The following STRAP variants were observed in gnomAD, a reference collection of about 807,000 sequenced individuals.
STRAP encodes serine/threonine kinase receptor associated protein.
A neutral mutation model predicts 47.0 loss-of-function variants in STRAP; 16 were observed. The observed-to-expected ratio is 0.34, with a 90% CI of 0.23 to 0.52. The LOEUF (loss-of-function observed/expected upper bound fraction) is 0.52. Among genes scored for constraint, STRAP ranks in the 20% least tolerant of loss-of-function variants. The pLI is 0.96. For missense variants in STRAP, 293 were observed against 420.0 expected (o/e 0.70, Z 2.64); for synonymous variants, 130 against 142.7 (o/e 0.91, Z 0.63).
rs1236426226 is a variant in STRAP, at chr12:15,884,085, AAAAC to A, written c.248+421_248+424del. Among the ~76,000 whole-genome samples, 6 of 152,314 alleles carry A rather than the reference AAAAC, an allele frequency of 3.9e-5. No homozygotes were observed. The East Asian group carries it at 9.6e-4, about 24-fold the overall frequency. ...GGCATCATTAAAACTCATTGTGTCA[AAAAC>A]AAACAAACAAAAAAACAACAAAAAA... On this transcript the variant is annotated intron_variant, in intron 2 of 9. Transcript: ENST00000419869.
chr12:15,893,387 TAATTATTTTATTAATAATATAATA>T (rs1177192850), intron 4 of STRAP, among the ~76,000 whole-genome samples: 4 of 148,784 alleles, frequency 2.7e-5, no homozygotes, highest in Admixed American at 2.7e-4. Flanking sequence ...TATGCCACGT[TAATTATTTTATTAATAATATAATA>T]AATACTTTTT....
At chr12:15,897,741 CT>C (rs1565576808) in intron 6 of STRAP, 140 bp from the exon 7 acceptor site, 7 of 385,320 alleles carry the variant, frequency 1.8e-5, no homozygotes, top group East Asian at 4.7e-5. Flanking sequence ...TTGCTAACAG[CT>C]TTTTTTACAT....
At chr12:15,899,411 T>C (rs895035486) in intron 7 of STRAP, among the ~76,000 whole-genome samples, 1 of 152,256 alleles carries the variant, frequency 6.6e-6, no homozygotes, top group African/African-American at 2.4e-5. Context: ...TGTTGATCTA[T>C]ATCTCACCTT....
chr12:15,890,493 G>T lies in STRAP; in HGVS notation c.331-104G>T. The T allele has an allele frequency of 1.1e-6, 1 of 941,560 alleles. No homozygotes were observed. Among genetic ancestry groups the T allele is most frequent in the Non-Finnish European group, 1.7e-6 (1 of 596,966 alleles). 58.3% of individuals were successfully genotyped at this position (941,560 alleles called of 1,614,324 possible). On this transcript the variant is annotated intron_variant, in intron 3 of 9. Coordinates refer to ENST00000419869, the MANE Select transcript of STRAP (RefSeq NM_007178.4). This position sits in a 1 kb window ranked among gnomAD's most constrained non-coding sequence, Gnocchi z 4.5. ...ATTGGTTATGTCTTGGCATCTCTTT[G>T]TGATGTCTGTGAGCTAGATTTTGAT...
At chr12:15,902,584 A>G (rs1381301820) in intron 9 of STRAP, among the ~76,000 whole-genome samples, 2 of 152,214 alleles carry the variant, frequency 1.3e-5, no homozygotes, top group Non-Finnish European at 2.9e-5. Flanking sequence ...ACTAAAAGAG[A>G]GGGCCAGATC....
At chr12:15,888,992 T>C (rs1947993727) in intron 2 of STRAP, among the ~76,000 whole-genome samples, 1 of 152,178 alleles carries the variant, frequency 6.6e-6, no homozygotes, top group Admixed American at 6.5e-5. Context: ...TGAAAATAAA[T>C]AGCAGTTGCA....
Position 15,882,641 on chromosome 12 carries a change from A to C in STRAP, c.-67A>C, listed in dbSNP as rs1350743588. 1 of 1,374,046 alleles carries C rather than the reference A, an allele frequency of 7.3e-7. No homozygotes were observed. Among genetic ancestry groups the C allele is most frequent in the East Asian group, 2.4e-5 (1 of 41,346 alleles). 85.1% of individuals were successfully genotyped at this position (1,374,046 alleles called of 1,614,324 possible). A position where few individuals can be genotyped will look rare whatever the true frequency, so the allele number is the denominator to read the frequency against. On this transcript the variant is annotated 5_prime_UTR_variant, in exon 1 of 10. Coordinates refer to ENST00000419869, the MANE Select transcript of STRAP (RefSeq NM_007178.4). ...GGCCTGGAGCAGCCCGAGGCACTGC[A>C]GCAGAAGAGAGAAAAGACAACGACG...
At position 15,895,438 on chromosome 12, in the gene STRAP, G is replaced by C; in HGVS notation, c.580G>C (p.Glu194Gln). Residue 194 changes from glutamate (E) to glutamine (Q), a missense_variant, in exon 6 of 10, where the codon GAG becomes CAG. By Grantham distance (29) the Glu-to-Gln change is conservative. Coordinates refer to ENST00000419869, the MANE Select transcript of STRAP (RefSeq NM_007178.4). ...MSVSSMEYIP[E>Q]GEILVITYGR... is the part of the protein sequence containing the mutation. ...TGTTAGTAGTATGGAATATATTCCT[G>C]AGGGAGAGATTTTGGTTATAACTTA... The C allele has an allele frequency of 1.9e-6, 3 of 1,607,674 alleles. No individual in the cohort carries two copies. Among genetic ancestry groups the C allele is most frequent in the Non-Finnish European group, 2.5e-6 (3 of 1,178,280 alleles).
chr12:15,888,555 C>T (rs1014577424), intron 2 of STRAP, among the ~76,000 whole-genome samples: 2 of 152,148 alleles, frequency 1.3e-5, no homozygotes, highest in African/African-American at 4.8e-5. Flanking sequence ...CATGAGCATT[C>T]CTGTTAGATG....
rs751505762 is a variant in STRAP at position 15,894,413 on chromosome 12, C to T, written c.500+270C>T. Among the ~76,000 whole-genome samples, 1 of 152,200 alleles carries T rather than the reference C, an allele frequency of 6.6e-6. No homozygotes were observed. Among genetic ancestry groups the T allele is most frequent in the East Asian group, 1.9e-4 (1 of 5,188 alleles). Reference sequence around the variant, plus strand: ...GGCAGAGGTTGCGGTGAGTCGAGATCGTGCCATTGCACTCTAGCCTGGGCG... The same window carrying T: ...GGCAGAGGTTGCGGTGAGTCGAGATTGTGCCATTGCACTCTAGCCTGGGCG... On this transcript the variant is annotated intron_variant, in intron 5 of 9. Coordinates refer to ENST00000419869, the MANE Select transcript of STRAP (RefSeq NM_007178.4). This position sits in a 1 kb window ranked among gnomAD's most constrained non-coding sequence, Gnocchi z 4.9.
At position 15,899,968 on chromosome 12, in the gene STRAP, T is replaced by C. The variant is rs1178249959; in HGVS notation, c.840T>C (p.Tyr280=). The change falls in exon 8 of 10, where the codon TAT becomes TAC. Residue 280 remains tyrosine (Y), a synonymous_variant. Transcript: ENST00000419869. The part of the protein sequence containing the change: ...CVRFSPDGEL[Y]ASGSEDGTLR... ...GATTTAGTCCTGATGGAGAACTCTATGCCAGTGGTTCAGAAGATGGAACAT... is the reference window on the plus strand; with the variant it reads ...GATTTAGTCCTGATGGAGAACTCTACGCCAGTGGTTCAGAAGATGGAACAT... 3 of 1,613,706 alleles carry C rather than the reference T, an allele frequency of 1.9e-6. No homozygotes were observed. The highest frequency in any genetic ancestry group is 2.5e-6 in the Non-Finnish European group (3 of 1,179,820).
chr12:15,885,560 T>C (rs1947963919), intron 2 of STRAP, among the ~76,000 whole-genome samples: 1 of 151,400 alleles, frequency 6.6e-6, no homozygotes, highest in Admixed American at 6.6e-5. Flanking sequence ...TCATTTTAAG[T>C]ACATTAAACA....
At chr12:15,901,572 A>G (rs1191229427) in intron 9 of STRAP, among the ~76,000 whole-genome samples, 1 of 152,196 alleles carries the variant, frequency 6.6e-6, no homozygotes, top group Non-Finnish European at 1.5e-5. Flanking sequence ...CATTTGCTGT[A>G]TTAGGACTTG....
rs1948002062 is a variant in STRAP at position 15,890,092 on chromosome 12, T to C, written c.330+83T>C. ...TGCTTTTATACTTGATTGGTGTGTA[T>C]ATTTGATTGATATGTTTTGTGTGGA... On this transcript the variant is annotated intron_variant, in intron 3 of 9. Coordinates refer to ENST00000419869, the MANE Select transcript of STRAP (RefSeq NM_007178.4). This position sits in a 1 kb window ranked among gnomAD's most constrained non-coding sequence, Gnocchi z 4.5. 8.5e-7 allele frequency: 1 copy of C among 1,174,798 alleles called. No individual in the cohort carries two copies. The highest frequency in any genetic ancestry group is 1.3e-5 in the South Asian group (1 of 79,244). The allele number at this position is 1,174,798 out of a possible 1,614,324, so 72.8% of individuals were successfully genotyped here.
chr12:15,902,899 T>TA lies in STRAP; in HGVS notation c.992-18_992-17insA. 1 of 1,419,228 alleles carries TA rather than the reference T, an allele frequency of 7.0e-7. No individual in the cohort carries two copies. The highest frequency in any genetic ancestry group is 1.6e-5 in the South Asian group (1 of 62,506). 87.9% of individuals were successfully genotyped at this position (1,419,228 alleles called of 1,614,324 possible). On this transcript the variant is annotated splice_polypyrimidine_tract_variant and intron_variant, in intron 9 of 9. Transcript: ENST00000419869. ...GACTAATGTGACTTTTTTTTTTTTT[T>TA]TTTTTTTTTACTTATAGAAGAAATT...
chr12:15,883,280 A>G, intron 1 of STRAP, among the ~76,000 whole-genome samples: 1 of 152,228 alleles, frequency 6.6e-6, no homozygotes, highest in East Asian at 1.9e-4. Flanking sequence ...TCTGTCCAAA[A>G]TAAGACTAAA....
chr12:15,891,601 T>C (rs1025351659), intron 4 of STRAP, among the ~76,000 whole-genome samples: 1 of 152,174 alleles, frequency 6.6e-6, no homozygotes, highest in Non-Finnish European at 1.5e-5. Flanking sequence ...ATGATTTCCT[T>C]AAGATAACTA....
In STRAP at chr12:15,900,973, C is replaced by A; in HGVS notation, c.952C>A (p.Pro318Thr). Residue 318 changes from proline (P) to threonine (T), a missense_variant, in exon 9 of 10, where the codon CCA becomes ACA. Pro to Thr is a conservative substitution (Grantham distance 38, BLOSUM62 -1). Around this residue, in one of 5 missense-constraint regions of STRAP, gnomAD observed 52 missense variants for 45.0 expected, o/e 1.16. Coordinates refer to ENST00000419869, the MANE Select transcript of STRAP (RefSeq NM_007178.4). The part of the protein sequence containing the change: ...PEEDSGELAK[P>T]KIGFPETTEE... ...AGAAGATAGTGGTGAGCTGGCAAAG[C>A]CAAAGATTGGTTTTCCAGAGACAAC... 6.3e-7 allele frequency: 1 copy of A among 1,595,158 alleles called. No individual in the cohort carries two copies.
chr12:15,902,297 T>C (rs932857854), intron 9 of STRAP, among the ~76,000 whole-genome samples: 1 of 152,098 alleles, frequency 6.6e-6, no homozygotes, highest in Non-Finnish European at 1.5e-5. Context: ...AATAAGGGTA[T>C]TGCAATGAGA....
Sources: allele counts gnomAD v4.1 joint callset (sites outside exome capture counted in the v4.1 genomes callset), GRCh38; gene constraint gnomAD v4.1.1; regional missense constraint gnomAD v4.1.1; non-coding constraint Gnocchi (gnomAD v3.1); transcripts MANE v1.5; gene names NCBI Gene and HGNC (gene_info 2026-07-23, HGNC 2026-07-21).